Variants in BIN2 observed in about 807,000 individuals in gnomAD.
BIN2 encodes the protein breast cancer associated protein BRAP1.
A neutral mutation model predicts 67.9 loss-of-function variants in BIN2; 43 were observed. The observed-to-expected ratio is 0.63, with a 90% CI of 0.50 to 0.82. The LOEUF is 0.82. BIN2 is among the 40% of genes least tolerant of loss of function. The pLI is 0.00. For synonymous variants in BIN2, 244 were observed against 246.8 expected, an observed-to-expected ratio of 0.99 and a Z score of 0.11; for missense variants, 581 against 671.6, an observed-to-expected ratio of 0.87 and a Z score of 1.49.
At chr12:51,285,631 T>C (rs1287337786) in intron 11 of BIN2, among the ~76,000 whole-genome samples, 1 of 150,930 alleles carries the variant, frequency 6.6e-6, no homozygotes, top group African/African-American at 2.4e-5. Flanking sequence ...TCTTTCTTTT[T>C]TTTTTTTTTT....
chr12:51,319,994 TCTTA>T (rs1039897029), intron 1 of BIN2, among the ~76,000 whole-genome samples: 5 of 152,194 alleles, frequency 3.3e-5, no homozygotes, highest in African/African-American at 4.8e-5. Context: ...TCTCTTTCTT[TCTTA>T]CTTTCGAGAC....
At chr12:51,309,910 G>C (rs1242462841) in intron 2 of BIN2, among the ~76,000 whole-genome samples, 1 of 152,144 alleles carries the variant, frequency 6.6e-6, no homozygotes, top group Non-Finnish European at 1.5e-5. Flanking sequence ...TTCCACAGTG[G>C]GTGTTAACTT....
At chr12:51,318,424 G>A (rs994076260) in intron 1 of BIN2, among the ~76,000 whole-genome samples, 11 of 152,142 alleles carry the variant, frequency 7.2e-5, no homozygotes, top group Non-Finnish European at 1.5e-4. Context: ...ACCACGCCTG[G>A]CGAATTTTTG....
chr12:51,309,131 G>A lies in BIN2; in HGVS notation c.162+4692C>T, dbSNP rs374550001. Among the ~76,000 whole-genome samples, 11 of 152,020 alleles carry A rather than the reference G, an allele frequency of 7.2e-5. No homozygotes were observed. In the East Asian group the frequency reaches 1.6e-3, roughly 21 times the overall value. On this transcript the variant is annotated intron_variant, in intron 2 of 12. Coordinates refer to ENST00000615107, the MANE Select transcript of BIN2 (RefSeq NM_016293.4). ...GAGGGATAGGGCACATGACCAACCC[G>A]TTCAACTTCTGGAACACTTCACTCA...
chr12:51,286,549 C>A (rs1299027249), intron 11 of BIN2, among the ~76,000 whole-genome samples: 1 of 152,150 alleles, frequency 6.6e-6, no homozygotes, highest in Non-Finnish European at 1.5e-5. Context: ...TCCAAGAATG[C>A]AAGCTTGTTT....
intron 1 of BIN2, among the ~76,000 whole-genome samples, chr12:51,315,736 T>C (rs899042345): frequency 2.6e-5 from 4 of 152,194 alleles, no homozygotes; most frequent in African/African-American, 9.7e-5. Context: ...CATTTGAAAC[T>C]CAGCTAGACC....
intron 2 of BIN2, among the ~76,000 whole-genome samples, chr12:51,312,266 T>C (rs1442654135): frequency 6.6e-6 from 1 of 152,218 alleles, no homozygotes; most frequent in South Asian, 2.1e-4. Context: ...CACAACCTTA[T>C]ACAAAAAATA....
intron 2 of BIN2, among the ~76,000 whole-genome samples, chr12:51,311,359 G>A (rs1033949913): frequency 4.0e-5 from 6 of 151,674 alleles, no homozygotes; most frequent in South Asian, 2.1e-4. Flanking sequence ...CTGATTTGTT[G>A]TAATGAGTAC....
At chr12:51,316,028 C>T (rs1273908283) in intron 1 of BIN2, among the ~76,000 whole-genome samples, 1 of 152,072 alleles carries the variant, frequency 6.6e-6, no homozygotes, top group Non-Finnish European at 1.5e-5. Context: ...TTGAATCCCT[C>T]GCCATGTCCA....
intron 6 of BIN2, 144 bp from the exon 7 acceptor site, chr12:51,299,432 T>C: frequency 1.0e-6 from 1 of 991,512 alleles, no homozygotes; most frequent in Non-Finnish European, 1.6e-6. Flanking sequence ...CTCCCCAGCC[T>C]CAAGACTCTG....
At chr12:51,286,080 G>A (rs4761995) in intron 11 of BIN2, among the ~76,000 whole-genome samples, 102,079 of 152,070 alleles carry the variant, frequency 0.67, 37,911 homozygotes, top group Non-Finnish European at 0.85. Flanking sequence ...ATCTCTCTGA[G>A]ATGATTCAAA....
intron 7 of BIN2, 71 bp downstream of exon 7, chr12:51,299,132 C>A: frequency 1.9e-6 from 2 of 1,051,990 alleles, no homozygotes; most frequent in Non-Finnish European, 1.4e-6. Context: ...ACACTTTTAT[C>A]TACTTACTGT....
intron 10 of BIN2, among the ~76,000 whole-genome samples, chr12:51,289,913 G>T (rs1432101484): frequency 6.6e-6 from 1 of 151,798 alleles, no homozygotes; most frequent in Non-Finnish European, 1.5e-5. Context: ...CTTCTCATCA[G>T]AGAAGACACA....
chr12:51,285,930 C>T (rs1945228607), intron 11 of BIN2, among the ~76,000 whole-genome samples: 1 of 152,152 alleles, frequency 6.6e-6, no homozygotes. Flanking sequence ...CAATTTCTAA[C>T]AGTGTGATAG....
intron 7 of BIN2, 138 bp from the exon 8 acceptor site, chr12:51,297,302 C>T (rs1425280440): frequency 2.1e-5 from 16 of 749,956 alleles, no homozygotes; most frequent in African/African-American, 3.5e-5. Flanking sequence ...GGCACAGTGG[C>T]TCACGCCTGT....
chr12:51,296,505 A>T (rs534617778), intron 8 of BIN2, among the ~76,000 whole-genome samples: 1 of 152,196 alleles, frequency 6.6e-6, no homozygotes, highest in Admixed American at 6.5e-5. Flanking sequence ...TCAAAAAAAA[A>T]AAAACCAAAA....
chr12:51,288,324 T>G, intron 10 of BIN2, 136 bp from the exon 11 acceptor site: 1 of 646,884 alleles, frequency 1.5e-6, no homozygotes. Context: ...ACACAGGCAG[T>G]AGTAGGGTGG....
In BIN2 at chr12:51,292,849, T is replaced by C. The variant is rs529961874; in HGVS notation, c.762-505A>G. On this transcript the variant is annotated intron_variant, in intron 9 of 12. Coordinates refer to ENST00000615107, the MANE Select transcript of BIN2 (RefSeq NM_016293.4). The stretch of plus-strand genomic sequence containing the variant: ...TAAACAAATGTCCTTTCCACCATGT[T>C]TTCCTAACTTTGTGCTTTTTGCTGG... 3.9e-5 allele frequency among the ~76,000 whole-genome samples: 6 copies of C among 152,294 alleles called. No individual in the cohort carries two copies. In the East Asian group the frequency reaches 1.2e-3, roughly 29 times the overall value.
chr12:51,291,890 A>C lies in BIN2; in HGVS notation c.1216T>G (p.Ser406Ala), dbSNP rs764277315. ...GGGGGTGCTGAGGTCCTCTGGATAG[A>C]GGCTCTCTTCTTTGGTTGTTCAGAT... ...EGSEQPKKRA[S>A]IQRTSAPPSR... Residue 406 changes from serine (S) to alanine (A), a missense_variant, in exon 10 of 13, where the codon TCT becomes GCT. Transcript: ENST00000615107. The C allele has an allele frequency of 6.2e-6, 10 of 1,614,012 alleles. No homozygotes were observed. In the South Asian group the frequency reaches 1.1e-4, roughly 18 times the overall value.
Sources: gnomAD v4.1 joint callset for allele counts (sites outside exome capture counted in the v4.1 genomes callset) on GRCh38, gnomAD v4.1.1 for gene constraint, MANE v1.5 for transcripts, NCBI Gene and HGNC (gene_info 2026-07-23, HGNC 2026-07-21) for gene names.